RAPGEF4: variants seen among roughly 807,000 people sequenced by gnomAD.
The protein encoded by RAPGEF4 is Rap guanine nucleotide exchange factor 4.
In RAPGEF4, 66 loss-of-function variants were observed where a neutral mutation model predicts 147.9. The ratio of observed to expected loss-of-function variants is 0.45; its 90% CI spans 0.37 to 0.55. The LOEUF (loss-of-function observed/expected upper bound fraction) is 0.55, where lower values mean the gene tolerates loss of function less well. Among genes scored for constraint, RAPGEF4 ranks in the 20% least tolerant of loss-of-function variants. The pLI, the probability that RAPGEF4 is intolerant of heterozygous loss-of-function variation, is 0.00. For synonymous variants in RAPGEF4, 419 were observed against 442.7 expected (o/e 0.95, Z 0.67); for missense variants, 1,071 against 1,257.3 (o/e 0.85, Z 2.24).
In RAPGEF4 at chr2:172,841,975, T is replaced by C. The variant is rs193245611; in HGVS notation, c.444+27550T>C. 2.2e-3 allele frequency among the ~76,000 whole-genome samples: 339 copies of C among 152,360 alleles called. 1 individual carries two copies. Among genetic ancestry groups the C allele is most frequent in the Admixed American group, 2.2e-3 (34 of 15,312 alleles). On this transcript the variant is annotated intron_variant, in intron 4 of 30. Coordinates refer to ENST00000397081, the MANE Select transcript of RAPGEF4 (RefSeq NM_007023.4). ...TGTCCCTCATTCTCCTATTATATTTTCTTTTCTAGTAAACACCTGCCATAG... is the reference window on the plus strand; with the variant it reads ...TGTCCCTCATTCTCCTATTATATTTCCTTTTCTAGTAAACACCTGCCATAG...
chr2:172,874,595 A>G (rs1349147583), intron 4 of RAPGEF4, among the ~76,000 whole-genome samples: 8 of 152,060 alleles, frequency 5.3e-5, no homozygotes, highest in African/African-American at 4.8e-5. Flanking sequence ...TTTTATGGCT[A>G]TATAGTATTC....
chr2:172,760,124 A>G (rs1050922358), intron 1 of RAPGEF4, among the ~76,000 whole-genome samples: 1 of 152,228 alleles, frequency 6.6e-6, no homozygotes, highest in African/African-American at 2.4e-5. Context: ...AAACTTTCAG[A>G]TAACTGCTCT....
In RAPGEF4 at chr2:173,052,506, C is replaced by CAATATGCAT. The variant is rs1185693927; in HGVS notation, c.*742_*750dup. On this transcript the variant is annotated 3_prime_UTR_variant, in exon 31 of 31. Transcript: ENST00000397081. ...TAGAAAATAACATTTCAGAAGAGCA[C>CAATATGCAT]AATATGCATAAAACATTTTTCAAAA... 1 of 152,534 alleles carries CAATATGCAT rather than the reference C, an allele frequency of 6.6e-6. No individual in the cohort carries two copies. The highest frequency in any genetic ancestry group is 1.5e-5 in the Non-Finnish European group (1 of 68,006). The allele number at this position is 152,534 out of a possible 1,614,324, so 9.4% of individuals were successfully genotyped here.
intron 15 of RAPGEF4, among the ~76,000 whole-genome samples, chr2:172,991,993 A>T (rs1692882284): frequency 6.6e-6 from 1 of 152,244 alleles, no homozygotes; most frequent in Non-Finnish European, 1.5e-5. Context: ...GCTCAGAGCC[A>T]CAAGTTACTT....
intron 26 of RAPGEF4, among the ~76,000 whole-genome samples, chr2:173,030,945 G>A (rs1482250912): frequency 1.3e-5 from 2 of 152,078 alleles, no homozygotes; most frequent in African/African-American, 2.4e-5. Context: ...CTTACACGTG[G>A]CATATAGTTG....
intron 16 of RAPGEF4, among the ~76,000 whole-genome samples, chr2:172,999,699 A>G (rs932638248): frequency 6.6e-6 from 1 of 152,202 alleles, no homozygotes; most frequent in African/African-American, 2.4e-5. Context: ...ATGAACTTAC[A>G]TTGGCAAAGT....
chr2:172,807,216 T>A (rs1173139961), intron 3 of RAPGEF4, among the ~76,000 whole-genome samples: 2 of 152,244 alleles, frequency 1.3e-5, no homozygotes, highest in Non-Finnish European at 2.9e-5. Flanking sequence ...GCCGTGTAAT[T>A]CTTTGTTTGG....
chr2:172,916,204 G>T (rs543419689), intron 4 of RAPGEF4, among the ~76,000 whole-genome samples: 5 of 152,162 alleles, frequency 3.3e-5, no homozygotes, highest in Admixed American at 1.3e-4. Context: ...AGGTGCTTCC[G>T]TGGAGCTCAT....
At chr2:172,926,764 G>A (rs569144816) in intron 6 of RAPGEF4, among the ~76,000 whole-genome samples, 1 of 152,070 alleles carries the variant, frequency 6.6e-6, no homozygotes, top group South Asian at 2.1e-4. Context: ...TAGAGACAAG[G>A]TTTCACCATG....
chr2:172,987,471 G>T (rs549721964), intron 12 of RAPGEF4, among the ~76,000 whole-genome samples: 3 of 152,016 alleles, frequency 2.0e-5, no homozygotes, highest in African/African-American at 4.8e-5. Flanking sequence ...ACATCTATGT[G>T]TTCCACGTTT....
chr2:172,831,549 G>A (rs777629049), intron 4 of RAPGEF4, among the ~76,000 whole-genome samples: 10 of 152,070 alleles, frequency 6.6e-5, no homozygotes, highest in Non-Finnish European at 7.4e-5. Flanking sequence ...AATTACAGGC[G>A]TGAGCCACCG....
At chr2:172,763,817 T>C (rs1213322601) in intron 1 of RAPGEF4, among the ~76,000 whole-genome samples, 1 of 152,232 alleles carries the variant, frequency 6.6e-6, no homozygotes, top group African/African-American at 2.4e-5. Flanking sequence ...TTGTCCATTT[T>C]TGAAATATTT....
chr2:172,843,817 G>A (rs946904276), intron 4 of RAPGEF4, among the ~76,000 whole-genome samples: 4 of 152,162 alleles, frequency 2.6e-5, no homozygotes, highest in South Asian at 4.1e-4. Flanking sequence ...CAAGGCGTAC[G>A]CTAGGATCTG....
chr2:172,759,019 A>C (rs1696046917), intron 1 of RAPGEF4, among the ~76,000 whole-genome samples: 1 of 152,224 alleles, frequency 6.6e-6, no homozygotes, highest in Admixed American at 6.5e-5. Flanking sequence ...CAGGAAGAAG[A>C]TAAAGGGAAT....
Position 172,842,615 on chromosome 2 carries a change from C to T in RAPGEF4, c.444+28190C>T, listed in dbSNP as rs1241794502. ...CAGGAGCTGTGGCTGTTGACCAGAG[C>T]ACCTACATATGGCTGTTCCATGTGA... On this transcript the variant is annotated intron_variant, in intron 4 of 30. Transcript: ENST00000397081. Among the ~76,000 whole-genome samples the T allele has an allele frequency of 2.0e-5, 3 of 152,180 alleles. No individual in the cohort carries two copies. In the East Asian group the frequency reaches 5.8e-4, roughly 29 times the overall value.
chr2:173,030,822 T>C (rs1321498752), intron 26 of RAPGEF4, among the ~76,000 whole-genome samples: 1 of 152,132 alleles, frequency 6.6e-6, no homozygotes, highest in Non-Finnish European at 1.5e-5. Flanking sequence ...GTGAGGCAGG[T>C]GTGTTGTGAG....
At chr2:172,937,710 CA>C (rs1226618339) in intron 6 of RAPGEF4, among the ~76,000 whole-genome samples, 3 of 152,180 alleles carry the variant, frequency 2.0e-5, no homozygotes, top group African/African-American at 7.2e-5. Flanking sequence ...AGCTAGGCTC[CA>C]GCTTCTTGAT....
intron 1 of RAPGEF4, among the ~76,000 whole-genome samples, chr2:172,753,985 C>A (rs1013879678): frequency 2.6e-5 from 4 of 152,108 alleles, no homozygotes; most frequent in African/African-American, 9.7e-5. Context: ...CTTTATCCTT[C>A]CCAGGAGGAA....
chr2:172,782,414 A>G (rs1684769021), intron 1 of RAPGEF4, among the ~76,000 whole-genome samples: 1 of 152,136 alleles, frequency 6.6e-6, no homozygotes, highest in African/African-American at 2.4e-5. Flanking sequence ...TTCTCTTCGA[A>G]GGGTCTCCCT....
Sources: allele counts gnomAD v4.1 joint callset (sites outside exome capture counted in the v4.1 genomes callset), GRCh38; gene constraint gnomAD v4.1.1; transcripts MANE v1.5; gene names NCBI Gene and HGNC (gene_info 2026-07-23, HGNC 2026-07-21).